The following LRP6 variants were observed in gnomAD, a reference collection of about 807,000 sequenced individuals.
LRP6 encodes low-density lipoprotein receptor-related protein 6.
A neutral mutation model predicts 184.1 loss-of-function variants in LRP6; 43 were observed. That is an observed-to-expected ratio of 0.23 (90% CI 0.18 to 0.30). LRP6 has a LOEUF of 0.30. Ranked by LOEUF, LRP6 falls within the 10% of genes least tolerant of loss-of-function variation. The pLI is 1.00. For synonymous variants in LRP6, 719 were observed against 684.9 expected, an observed-to-expected ratio of 1.05 and a Z score of -0.78; for missense variants, 1,571 against 2,005.3, an observed-to-expected ratio of 0.78 and a Z score of 4.14.
In LRP6 at chr12:12,135,430, CTT is replaced by C. The variant is rs893672913; in HGVS notation, c.3608-132_3608-131del. ...ATCAAATGTATAATCAGCTTGGACT[CTT>C]TTTTTTTACTTTTATTATTATTATT... On this transcript the variant is annotated intron_variant, in intron 16 of 22. Coordinates refer to ENST00000261349, the MANE Select transcript of LRP6 (RefSeq NM_002336.3). 6.2e-6 allele frequency: 3 copies of C among 486,630 alleles called. No homozygotes were observed. In the South Asian group the frequency reaches 1.2e-4, roughly 19 times the overall value. 30.1% of individuals were successfully genotyped at this position (486,630 alleles called of 1,614,324 possible).
chr12:12,121,251 G>A lies in LRP6; in HGVS notation c.4717C>T (p.Pro1573Ser). 6.2e-7 allele frequency: 1 copy of A among 1,614,134 alleles called. No homozygotes were observed. Reference sequence around the variant, plus strand: ...TCTGCTGACAAGTATTGGCTTCGGGGTGTGGGAGGTGGGGGCACAGGTTCT... The same window carrying A: ...TCTGCTGACAAGTATTGGCTTCGGGATGTGGGAGGTGGGGGCACAGGTTCT... ...DSEPVPPPPT[P>S]RSQYLSAEEN... Residue 1573 changes from proline to serine, a missense_variant, in exon 23 of 23, where the codon CCC (proline) becomes TCC (serine). By Grantham distance (74) the Pro-to-Ser change is moderately conservative (BLOSUM62 -1). Coordinates refer to ENST00000261349, the MANE Select transcript of LRP6 (RefSeq NM_002336.3).
intron 19 of LRP6, among the ~76,000 whole-genome samples, chr12:12,127,692 G>A (rs893394685): frequency 6.6e-6 from 1 of 152,118 alleles, no homozygotes; most frequent in African/African-American, 2.4e-5. Flanking sequence ...GGGAAAGTGA[G>A]CTTATTGAAA....
chr12:12,122,215 T>C (rs1949615591), intron 22 of LRP6, among the ~76,000 whole-genome samples: 1 of 152,240 alleles, frequency 6.6e-6, no homozygotes, highest in African/African-American at 2.4e-5. Context: ...GAAAAAGGCA[T>C]TGGAAAGAGA....
chr12:12,181,437 C>A lies in LRP6; in HGVS notation c.979G>T (p.Ala327Ser), dbSNP rs781335978. The change falls in exon 6 of 23, where the codon GCC becomes TCC. Residue 327 changes from alanine to serine, a missense_variant and splice_region_variant. Ala to Ser is a moderately conservative substitution (Grantham distance 99). This residue lies in a region of LRP6 where 640 missense variants were observed against 851.9 expected (regional missense o/e 0.75). Coordinates refer to ENST00000261349, the MANE Select transcript of LRP6 (RefSeq NM_002336.3). ...LENGKTCKDG[A>S]TELLLLARRT... ...CGAGCTAAAAGCAATAATTCTGTGG[C>A]ACCTAGAACAACAAAGTGAAATGAA... The A allele has an allele frequency of 1.7e-6, 2 of 1,146,694 alleles. No homozygotes were observed. Among genetic ancestry groups the A allele is most frequent in the Non-Finnish European group, 2.6e-6 (2 of 756,688 alleles). 71.0% of individuals were successfully genotyped at this position (1,146,694 alleles called of 1,614,324 possible).
chr12:12,214,674 T>C (rs527344161), intron 2 of LRP6, among the ~76,000 whole-genome samples: 89 of 152,372 alleles, frequency 5.8e-4, no homozygotes, highest in Admixed American at 2.2e-3. Context: ...AGCCTATTTC[T>C]GTAAGCAAGC....
intron 2 of LRP6, among the ~76,000 whole-genome samples, chr12:12,231,350 T>C (rs1864783543): frequency 6.6e-6 from 1 of 152,060 alleles, no homozygotes; most frequent in Admixed American, 6.6e-5. Flanking sequence ...GCACAAAGCA[T>C]GGACTCTCAA....
chr12:12,165,337 T>C (rs781457578), intron 7 of LRP6, 42 bp from the exon 8 acceptor site: 4 of 1,374,908 alleles, frequency 2.9e-6, no homozygotes, highest in East Asian at 4.6e-5. Flanking sequence ...GAATTATGCA[T>C]TTATTCTTCA....
intron 22 of LRP6, among the ~76,000 whole-genome samples, chr12:12,123,089 C>A (rs1949625768): frequency 6.6e-6 from 1 of 151,062 alleles, no homozygotes. Context: ...TTTTCATGTC[C>A]CAGTTTAAAC....
intron 22 of LRP6, among the ~76,000 whole-genome samples, chr12:12,123,930 A>G (rs1267209577): frequency 6.6e-6 from 1 of 152,236 alleles, no homozygotes; most frequent in African/African-American, 2.4e-5. Flanking sequence ...AATTCTATGA[A>G]CCAATCTTAT....
chr12:12,138,586 C>G (rs1217819187), intron 15 of LRP6, 52 bp from the exon 16 acceptor site: 3 of 1,500,226 alleles, frequency 2.0e-6, no homozygotes, highest in Non-Finnish European at 2.8e-6. Flanking sequence ...TCAAGTTATA[C>G]TTTTGGTAAT....
intron 2 of LRP6, among the ~76,000 whole-genome samples, chr12:12,206,939 A>C (rs1864076853): frequency 6.6e-6 from 1 of 151,834 alleles, no homozygotes; most frequent in South Asian, 2.1e-4. Flanking sequence ...AAAAAAAAAA[A>C]CAAGGTCAAA....
intron 3 of LRP6, among the ~76,000 whole-genome samples, chr12:12,189,691 G>A (rs2137010916): frequency 6.6e-6 from 1 of 152,146 alleles, no homozygotes; most frequent in East Asian, 1.9e-4. Flanking sequence ...AGTAGAGATG[G>A]GGTTTCACCA....
rs747781746 is a variant in LRP6 at position 12,162,273 on chromosome 12, C to A, written c.2199G>T (p.Lys733Asn). 2 of 1,614,206 alleles carry A rather than the reference C, an allele frequency of 1.2e-6. No homozygotes were observed. Among genetic ancestry groups the A allele is most frequent in the Admixed American group, 3.3e-5 (2 of 60,018 alleles). Residue 733 changes from lysine (K) to asparagine (N), a missense_variant, in exon 10 of 23, where the codon AAG (lysine) becomes AAT (asparagine). By Grantham distance (94) the Lys-to-Asn change is moderately conservative (BLOSUM62 0). Around this residue, in one of 4 missense-constraint regions of LRP6, gnomAD observed 158 missense variants for 258.4 expected, o/e 0.61. Transcript: ENST00000261349. ...AAACTTGTCGGTGCTGCCCATCCAA[C>A]TTTGACACCTCAATTCGATTCGTTC... is the stretch of plus-strand genomic sequence containing the variant. Reference protein sequence around the residue: ...DTGTNRIEVSKLDGQHRQVLV... With the variant: ...DTGTNRIEVSNLDGQHRQVLV...
intron 3 of LRP6, among the ~76,000 whole-genome samples, chr12:12,192,124 C>T (rs1863635196): frequency 6.6e-6 from 1 of 151,844 alleles, no homozygotes; most frequent in East Asian, 1.9e-4. Context: ...TAGAAATGAA[C>T]TATAAATGAC....
chr12:12,245,296 T>C (rs1388071383), intron 1 of LRP6, among the ~76,000 whole-genome samples: 1 of 152,100 alleles, frequency 6.6e-6, no homozygotes, highest in Non-Finnish European at 1.5e-5. Context: ...CTCAAAATAA[T>C]TCAGAATGAA....
At chr12:12,249,183 A>G in intron 1 of LRP6, 1 of 736,762 alleles carries the variant, frequency 1.4e-6, no homozygotes, top group South Asian at 1.5e-5. Flanking sequence ...CTGAATATAC[A>G]GCCTTAAAAT....
chr12:12,209,882 T>C (rs1267019417), intron 2 of LRP6, among the ~76,000 whole-genome samples: 2 of 152,068 alleles, frequency 1.3e-5, no homozygotes, highest in Non-Finnish European at 2.9e-5. Flanking sequence ...AACAGGAGGC[T>C]CTGAGAGTAT....
intron 20 of LRP6, among the ~76,000 whole-genome samples, chr12:12,126,296 G>T (rs951825427): frequency 4.6e-5 from 7 of 152,144 alleles, no homozygotes; most frequent in African/African-American, 1.7e-4. Flanking sequence ...GTTGGCTGAA[G>T]GGAATCTTAT....
At chr12:12,207,701 T>C (rs1864103407) in intron 2 of LRP6, among the ~76,000 whole-genome samples, 1 of 152,048 alleles carries the variant, frequency 6.6e-6, no homozygotes, top group African/African-American at 2.4e-5. Flanking sequence ...TGCTTAGTAG[T>C]CAGGAAGGCT....
Sources: allele counts gnomAD v4.1 joint callset (sites outside exome capture counted in the v4.1 genomes callset), GRCh38; gene constraint gnomAD v4.1.1; regional missense constraint gnomAD v4.1.1; transcripts MANE v1.5; gene names NCBI Gene and HGNC (gene_info 2026-07-23, HGNC 2026-07-21).